MCF2L2: variants seen among roughly 807,000 people sequenced by gnomAD.
MCF2L2 encodes the protein probable guanine nucleotide exchange factor MCF2L2.
In MCF2L2, 102 loss-of-function variants were observed where a neutral mutation model predicts 150.2. The observed-to-expected ratio is 0.68, with a 90% CI of 0.58 to 0.80. The LOEUF is 0.80. Ranked by LOEUF, MCF2L2 falls within the 30% of genes least tolerant of loss-of-function variation. MCF2L2 has a pLI of 0.00. For missense variants in MCF2L2, 1,256 were observed against 1,372.8 expected, an observed-to-expected ratio of 0.91 and a Z score of 1.34; for synonymous variants, 465 against 491.3, an observed-to-expected ratio of 0.95 and a Z score of 0.71.
intron 7 of MCF2L2, among the ~76,000 whole-genome samples, chr3:183,315,852 C>T (rs1199883916): frequency 3.3e-5 from 5 of 152,180 alleles, no homozygotes; most frequent in African/African-American, 7.2e-5. Context: ...AGTTATGTGT[C>T]CTTATCTAAA....
Position 183,348,840 on chromosome 3 carries a change from G to A in MCF2L2, c.276-7210C>T, listed in dbSNP as rs531641657. On this transcript the variant is annotated intron_variant, in intron 3 of 29. Transcript: ENST00000328913. The stretch of plus-strand genomic sequence containing the variant: ...ACATAAGAATCCTAAATGTCTAAGC[G>A]TACAATAACATTGCCCCAAAGACAC... 1.1e-4 allele frequency among the ~76,000 whole-genome samples: 16 copies of A among 152,256 alleles called. No individual in the cohort carries two copies. The Middle Eastern group carries it at 0.01, about 97-fold the overall frequency.
At chr3:183,277,913 A>G (rs148968060) in intron 14 of MCF2L2, among the ~76,000 whole-genome samples, 3,897 of 151,262 alleles carry the variant, frequency 0.026, 176 homozygotes, top group African/African-American at 0.087. Flanking sequence ...GGCCAGGTGC[A>G]GTGGCTCATG....
At chr3:183,200,858 C>G (rs986681350) in intron 25 of MCF2L2, among the ~76,000 whole-genome samples, 4 of 152,270 alleles carry the variant, frequency 2.6e-5, no homozygotes, top group African/African-American at 9.6e-5. Context: ...CCAGTTTTCC[C>G]AGCACTATTT....
At chr3:183,194,331 T>C (rs1171215968) in intron 26 of MCF2L2, among the ~76,000 whole-genome samples, 1 of 152,170 alleles carries the variant, frequency 6.6e-6, no homozygotes, top group Non-Finnish European at 1.5e-5. Flanking sequence ...AGAGGAATTA[T>C]AGACGAAGAT....
intron 25 of MCF2L2, among the ~76,000 whole-genome samples, chr3:183,205,206 C>T (rs998964434): frequency 3.3e-5 from 5 of 152,162 alleles, no homozygotes; most frequent in African/African-American, 1.2e-4. Flanking sequence ...TGGTGACACC[C>T]TGTCTCTACT....
chr3:183,261,531 C>T (rs548281532), intron 15 of MCF2L2, among the ~76,000 whole-genome samples: 6 of 152,196 alleles, frequency 3.9e-5, no homozygotes, highest in African/African-American at 1.4e-4. Flanking sequence ...CTGTGACTCA[C>T]CGGAGGAGCC....
chr3:183,206,346 C>T (rs1722472869), intron 23 of MCF2L2, 132 bp from the exon 24 acceptor site: 1 of 694,482 alleles, frequency 1.4e-6, no homozygotes, highest in Non-Finnish European at 2.5e-6. Flanking sequence ...TTTTTGCTTT[C>T]CTCTCTTAAT....
intron 3 of MCF2L2, among the ~76,000 whole-genome samples, chr3:183,351,238 T>TATATA (rs1560035100): frequency 6.4e-4 from 37 of 57,632 alleles, no homozygotes; most frequent in Non-Finnish European, 8.8e-4. Flanking sequence ...ATATATATAT[T>TATATA]TATTTATTTA....
In MCF2L2 at chr3:183,385,706, T is replaced by C. The variant is rs151274067; in HGVS notation, c.160+3990A>G. Among the ~76,000 whole-genome samples, 60 of 152,326 alleles carry C rather than the reference T, an allele frequency of 3.9e-4. No homozygotes were observed. In the East Asian group the frequency reaches 9.8e-3, roughly 25 times the overall value. On this transcript the variant is annotated intron_variant, in intron 2 of 29. Coordinates refer to ENST00000328913, the MANE Select transcript of MCF2L2 (RefSeq NM_015078.4). The stretch of plus-strand genomic sequence containing the variant: ...GGAAAGGAGCTGTGGCAAACGTTGA[T>C]TGATGGCTAATTCACTCCCAGTCCC...
intron 7 of MCF2L2, 151 bp from the exon 8 acceptor site, chr3:183,311,923 T>C (rs1729395451): frequency 4.6e-6 from 3 of 649,300 alleles, no homozygotes; most frequent in East Asian, 6.0e-5. Context: ...AATTAACTTA[T>C]CCTTGACAGG....
At chr3:183,368,583 G>A (rs1381877190) in intron 3 of MCF2L2, among the ~76,000 whole-genome samples, 4 of 152,086 alleles carry the variant, frequency 2.6e-5, no homozygotes, top group African/African-American at 9.7e-5. Context: ...GGCCAACATG[G>A]TGAAACTCCA....
chr3:183,320,090 TTTTC>T (rs1240248860), intron 6 of MCF2L2, among the ~76,000 whole-genome samples: 2 of 145,750 alleles, frequency 1.4e-5, no homozygotes, highest in South Asian at 2.1e-4. Context: ...TCACTTTTTC[TTTTC>T]TTTTTTTTTT....
In MCF2L2 at chr3:183,267,936, TCA is replaced by T. The variant is rs1213976839; in HGVS notation, c.1862+8934_1862+8935del. On this transcript the variant is annotated intron_variant, in intron 15 of 29. Transcript: ENST00000328913. This position sits in a 1 kb window ranked among gnomAD's most constrained non-coding sequence, Gnocchi z 5.5. ...ACATTTGGGGAATGCCTACCAGGGGTCACACACTGAGCTGGATGCTGAGTGTA... is the reference window on the plus strand; with the variant it reads ...ACATTTGGGGAATGCCTACCAGGGGTCACACTGAGCTGGATGCTGAGTGTA... 6.6e-6 allele frequency among the ~76,000 whole-genome samples: 1 copy of T among 152,198 alleles called. No individual in the cohort carries two copies. Among genetic ancestry groups the T allele is most frequent in the African/African-American group, 2.4e-5 (1 of 41,446 alleles).
intron 20 of MCF2L2, among the ~76,000 whole-genome samples, chr3:183,221,008 C>T (rs1304748275): frequency 1.3e-5 from 2 of 152,222 alleles, no homozygotes; most frequent in African/African-American, 4.8e-5. Context: ...CTTTCTAAAG[C>T]ATGAGGCAAT....
At chr3:183,359,647 T>C (rs1712007595) in intron 3 of MCF2L2, among the ~76,000 whole-genome samples, 1 of 152,210 alleles carries the variant, frequency 6.6e-6, no homozygotes. Flanking sequence ...AAAATAAATA[T>C]ATAAACACTT....
rs774928082 is a variant in MCF2L2, at chr3:183,427,947, G to A, written c.31C>T (p.Pro11Ser). The change falls in exon 1 of 30, where the codon CCC becomes TCC. Residue 11 changes from proline to serine, a missense_variant. Pro to Ser is a moderately conservative substitution (Grantham distance 74). Coordinates refer to ENST00000328913, the MANE Select transcript of MCF2L2 (RefSeq NM_015078.4). MLSCLKEEMP[P>S]QELTRRLATV... Reference sequence around the variant, plus strand: ...GCCAGTCGCCGGGTGAGCTCCTGGGGAGGCATCTCTTCTTTTAAGCAAGAC... The same window carrying A: ...GCCAGTCGCCGGGTGAGCTCCTGGGAAGGCATCTCTTCTTTTAAGCAAGAC... The A allele has an allele frequency of 1.2e-6, 2 of 1,613,860 alleles. No individual in the cohort carries two copies. Among genetic ancestry groups the A allele is most frequent in the South Asian group, 1.1e-5 (1 of 91,068 alleles).
chr3:183,358,544 T>C (rs1276051040), intron 3 of MCF2L2, among the ~76,000 whole-genome samples: 12 of 152,162 alleles, frequency 7.9e-5, no homozygotes, highest in Admixed American at 7.9e-4. Context: ...GTGCCGCTCA[T>C]GAAACAAGGA....
intron 5 of MCF2L2, among the ~76,000 whole-genome samples, chr3:183,337,287 T>C (rs1336060201): frequency 2.0e-5 from 3 of 152,168 alleles, no homozygotes; most frequent in Admixed American, 2.0e-4. Flanking sequence ...CTAGGCACAG[T>C]GGCTCACGCC....
At chr3:183,224,302 G>A (rs1576937056) in intron 18 of MCF2L2, 112 bp from the exon 19 acceptor site, 1 of 694,966 alleles carries the variant, frequency 1.4e-6, no homozygotes, top group East Asian at 2.6e-5. Flanking sequence ...AATGTGTAAG[G>A]AATTGGGGGT....
Sources: allele counts gnomAD v4.1 joint callset (sites outside exome capture counted in the v4.1 genomes callset), GRCh38; gene constraint gnomAD v4.1.1; non-coding constraint Gnocchi (gnomAD v3.1); transcripts MANE v1.5; gene names NCBI Gene and HGNC (gene_info 2026-07-23, HGNC 2026-07-21).